The following PAPPA variants were observed in gnomAD, a reference collection of about 807,000 sequenced individuals.
The protein encoded by PAPPA is pappalysin-1.
PAPPA carries 60 observed loss-of-function variants against 164.0 expected under a neutral mutation model. The ratio of observed to expected loss-of-function variants is 0.37; its 90% CI spans 0.30 to 0.45. PAPPA has a LOEUF of 0.45. Among genes scored for constraint, PAPPA ranks in the 20% least tolerant of loss-of-function variants. The pLI, the probability that PAPPA is intolerant of heterozygous loss-of-function variation, is 1.00. For synonymous variants in PAPPA, 875 were observed against 814.1 expected (o/e 1.07, Z -1.27); for missense variants, 1,782 against 2,087.3 (o/e 0.85, Z 2.85).
chr9:116,240,818 G>A (rs1179542328), intron 7 of PAPPA, among the ~76,000 whole-genome samples: 1 of 152,200 alleles, frequency 6.6e-6, no homozygotes, highest in Non-Finnish European at 1.5e-5. Flanking sequence ...TTCATTCTCT[G>A]ATTGAACAAG....
chr9:116,295,544 A>G (rs1374216783), intron 9 of PAPPA, among the ~76,000 whole-genome samples: 1 of 123,994 alleles, frequency 8.1e-6, no homozygotes, highest in Non-Finnish European at 1.7e-5. Context: ...ACAGAGCGAG[A>G]CTCGGTCTCA....
chr9:116,242,113 G>A (rs1434325071), intron 7 of PAPPA, among the ~76,000 whole-genome samples: 2 of 152,110 alleles, frequency 1.3e-5, no homozygotes, highest in Non-Finnish European at 2.9e-5. Flanking sequence ...TGAGCACATG[G>A]TTCTAAATGA....
Position 116,271,893 on chromosome 9 carries a change from T to C in PAPPA, c.2953+477T>C, listed in dbSNP as rs999261191. On this transcript the variant is annotated intron_variant, in intron 9 of 21. Transcript: ENST00000328252. This position sits in a 1 kb window ranked among gnomAD's most constrained non-coding sequence, Gnocchi z 4.2. The stretch of plus-strand genomic sequence containing the variant: ...TTTTGTCTGATTCTCAAGCACGTGC[T>C]CAACTCATTTTGCTTTGCAACCTCC... Among the ~76,000 whole-genome samples, 1 of 152,188 alleles carries C rather than the reference T, an allele frequency of 6.6e-6. No individual in the cohort carries two copies. The highest frequency in any genetic ancestry group is 2.4e-5 in the African/African-American group (1 of 41,438).
In PAPPA at chr9:116,289,310, T is replaced by TATAACATATAA. The variant is rs1564212334; in HGVS notation, c.2954-13445_2954-13444insAACATATAAAT. ...ATAAATAGCATATATATAGCATATA[T>TATAACATATAA]ATGGCATATATATGGCATATATATA... On this transcript the variant is annotated intron_variant, in intron 9 of 21. Transcript: ENST00000328252. Among the ~76,000 whole-genome samples, 51 of 143,172 alleles carry TATAACATATAA rather than the reference T, an allele frequency of 3.6e-4. 1 individual carries two copies. The highest frequency in any genetic ancestry group is 1.2e-3 in the African/African-American group (44 of 37,996). 93.9% of individuals were successfully genotyped at this position (143,172 alleles called of 152,430 possible). A position where few individuals can be genotyped will look rare whatever the true frequency, so the allele number is the denominator to read the frequency against.
chr9:116,205,461 T>A (rs1391143910), intron 2 of PAPPA, among the ~76,000 whole-genome samples: 2 of 152,284 alleles, frequency 1.3e-5, no homozygotes, highest in East Asian at 3.9e-4. Flanking sequence ...AATTAGAAAA[T>A]AATAAATTAT....
chr9:116,347,136 C>A lies in PAPPA; in HGVS notation c.3891C>A (p.Ser1297=). ...ATCACCATCAAGTCTATGCTGCCTC[C>A]TTCTCCTGCCCTGAGGGCACCACCT... is the stretch of plus-strand genomic sequence containing the variant. ...IPDHHQVYAA[S]FSCPEGTTFG... is the part of the protein sequence containing the mutation. The change falls in exon 15 of 22, where the codon TCC becomes TCA. Residue 1297 remains serine, a synonymous_variant. Transcript: ENST00000328252. This position sits in a 1 kb window ranked among gnomAD's most constrained non-coding sequence, Gnocchi z 4.5. The A allele has an allele frequency of 6.2e-7, 1 of 1,614,198 alleles. No individual in the cohort carries two copies. The highest frequency in any genetic ancestry group is 8.5e-7 in the Non-Finnish European group (1 of 1,180,006).
chr9:116,262,222 A>G (rs1010029626), intron 7 of PAPPA, among the ~76,000 whole-genome samples: 1 of 152,100 alleles, frequency 6.6e-6, no homozygotes, highest in African/African-American at 2.4e-5. Context: ...AAAAAATCGC[A>G]AAGATTCCAC....
chr9:116,398,560 T>G lies in PAPPA; in HGVS notation c.*1944T>G. The G allele has an allele frequency of 1.6e-6, 2 of 1,283,336 alleles. No homozygotes were observed. The highest frequency in any genetic ancestry group is 2.0e-6 in the Non-Finnish European group (2 of 983,986). The allele number at this position is 1,283,336 out of a possible 1,614,324, so 79.5% of individuals were successfully genotyped here. A position where few individuals can be genotyped will look rare whatever the true frequency, so the allele number is the denominator to read the frequency against. Reference sequence around the variant, plus strand: ...ACTCCCAATAGCACTGACCTGGTGATCAAAAACACTTGAGAAGACATCTAT... The same window carrying G: ...ACTCCCAATAGCACTGACCTGGTGAGCAAAAACACTTGAGAAGACATCTAT... On this transcript the variant is annotated 3_prime_UTR_variant, in exon 22 of 22. Coordinates refer to ENST00000328252, the MANE Select transcript of PAPPA (RefSeq NM_002581.5).
rs1033814894 is a variant in PAPPA at position 116,209,777 on chromosome 9, C to T, written c.1625-1862C>T. The stretch of plus-strand genomic sequence containing the variant: ...TCCTCTCATTACCTCAATAATGAAG[C>T]TTCATGGAGAGACAGAGAATCATTG... On this transcript the variant is annotated intron_variant, in intron 3 of 21. Coordinates refer to ENST00000328252, the MANE Select transcript of PAPPA (RefSeq NM_002581.5). Among the ~76,000 whole-genome samples the T allele has an allele frequency of 6.4e-4, 97 of 152,264 alleles. 1 individual carries two copies. The highest frequency in any genetic ancestry group is 2.3e-3 in the African/African-American group (95 of 41,558).
intron 8 of PAPPA, among the ~76,000 whole-genome samples, chr9:116,266,656 C>G (rs1334938822): frequency 6.6e-6 from 1 of 152,090 alleles, no homozygotes; most frequent in Non-Finnish European, 1.5e-5. Flanking sequence ...GTTCTCAGGA[C>G]AAGATGCTAT....
chr9:116,369,661 C>T (rs1846547477), intron 19 of PAPPA, among the ~76,000 whole-genome samples: 1 of 152,142 alleles, frequency 6.6e-6, no homozygotes, highest in African/African-American at 2.4e-5. Context: ...AATTCCCACC[C>T]TTCCCTCTGT....
At chr9:116,248,881 T>C (rs1380267318) in intron 7 of PAPPA, among the ~76,000 whole-genome samples, 2 of 152,228 alleles carry the variant, frequency 1.3e-5, no homozygotes, top group Non-Finnish European at 2.9e-5. Context: ...TCTGGTATAT[T>C]GAAGGTCTTT....
At chr9:116,163,716 T>C (rs562256732) in intron 1 of PAPPA, among the ~76,000 whole-genome samples, 2 of 152,258 alleles carry the variant, frequency 1.3e-5, no homozygotes, top group South Asian at 2.1e-4. Context: ...GGGCCAAGTG[T>C]GGACACATTT....
intron 10 of PAPPA, among the ~76,000 whole-genome samples, chr9:116,317,365 A>G (rs987414507): frequency 6.6e-6 from 1 of 152,174 alleles, no homozygotes; most frequent in African/African-American, 2.4e-5. Context: ...ATTTAAAATC[A>G]AAGGACAAAG....
At chr9:116,224,161 T>TA (rs962019073) in intron 5 of PAPPA, among the ~76,000 whole-genome samples, 2 of 152,250 alleles carry the variant, frequency 1.3e-5, no homozygotes, top group East Asian at 3.9e-4. Context: ...GGGTTTCCCT[T>TA]AAAAAAACAT....
At chr9:116,367,498 G>A in intron 18 of PAPPA, 147 bp from the exon 19 acceptor site, 2 of 640,808 alleles carry the variant, frequency 3.1e-6, no homozygotes, top group Non-Finnish European at 5.7e-6. Flanking sequence ...GCCCTGCCTG[G>A]CTTGCCTTCT....
intron 16 of PAPPA, 109 bp from the exon 17 acceptor site, chr9:116,353,513 A>G: frequency 1.0e-6 from 1 of 993,474 alleles, no homozygotes; most frequent in Non-Finnish European, 1.5e-6. Flanking sequence ...CAGGTGGGGA[A>G]TCAAAACTAG....
intron 5 of PAPPA, 84 bp from the exon 6 acceptor site, chr9:116,227,347 C>T: frequency 7.1e-7 from 1 of 1,400,872 alleles, no homozygotes; most frequent in Non-Finnish European, 1.0e-6. Flanking sequence ...GTCCTCTGCC[C>T]CATTGACTCT....
intron 10 of PAPPA, among the ~76,000 whole-genome samples, chr9:116,321,924 A>G (rs1564225102): frequency 2.0e-5 from 3 of 152,214 alleles, no homozygotes; most frequent in Non-Finnish European, 4.4e-5. Flanking sequence ...AGTTATTGGG[A>G]GGTCAAGCCA....
Sources: allele counts gnomAD v4.1 joint callset (sites outside exome capture counted in the v4.1 genomes callset), GRCh38; gene constraint gnomAD v4.1.1; non-coding constraint Gnocchi (gnomAD v3.1); transcripts MANE v1.5; gene names NCBI Gene and HGNC (gene_info 2026-07-23, HGNC 2026-07-21).